The following ACVR2B variants were observed in gnomAD, a reference collection of about 807,000 sequenced individuals.
The protein encoded by ACVR2B is activin A receptor type 2B.
Under a neutral mutation model 65.1 loss-of-function variants are expected in ACVR2B, and 18 were observed. The ratio of observed to expected loss-of-function variants is 0.28; its 90% CI spans 0.19 to 0.41. The LOEUF is 0.41. Ranked by LOEUF, ACVR2B falls within the 10% of genes least tolerant of loss-of-function variation. The pLI, the probability that ACVR2B is intolerant of heterozygous loss-of-function variation, is 1.00. For missense variants in ACVR2B, 482 were observed against 682.7 expected (o/e 0.71, Z 3.28); for synonymous variants, 298 against 277.7 (o/e 1.07, Z -0.73).
chr3:38,454,502 C>A, intron 1 of ACVR2B, 128 bp downstream of exon 1: 1 of 855,554 alleles, frequency 1.2e-6, no homozygotes, highest in Non-Finnish European at 1.5e-6. Context: ...TCAGCCCTCA[C>A]CTCCGGGGGC....
At chr3:38,455,504 C>T (rs988491792) in intron 1 of ACVR2B, among the ~76,000 whole-genome samples, 13 of 152,298 alleles carry the variant, frequency 8.5e-5, no homozygotes, top group African/African-American at 2.9e-4. Context: ...GCCGGAGTCC[C>T]CACGCTGCTG....
chr3:38,459,787 C>A, intron 1 of ACVR2B: 1 of 560,066 alleles, frequency 1.8e-6, no homozygotes, highest in Non-Finnish European at 2.3e-6. Flanking sequence ...GTGTGGGCAG[C>A]GCTGCCTTAG....
intron 1 of ACVR2B, among the ~76,000 whole-genome samples, chr3:38,456,681 T>TA (rs1414540363): frequency 6.6e-6 from 1 of 152,118 alleles, no homozygotes; most frequent in Non-Finnish European, 1.5e-5. Context: ...TCTGCCTTCT[T>TA]ACTGCATTCT....
intron 1 of ACVR2B, among the ~76,000 whole-genome samples, chr3:38,457,592 A>T (rs570912364): frequency 6.6e-6 from 1 of 152,222 alleles, no homozygotes; most frequent in African/African-American, 2.4e-5. Context: ...TGGACACTCA[A>T]TGCTGTATCC....
rs995901510 is a variant in ACVR2B, at chr3:38,484,162, C to G, written c.*830C>G. ...TGAGATTGGGTGCAGCCCTGACTTA[C>G]CTGCTGGCCCTGACCAGTTTCTTTT... On this transcript the variant is annotated 3_prime_UTR_variant, in exon 11 of 11. Transcript: ENST00000352511. 1 of 152,580 alleles carries G rather than the reference C, an allele frequency of 6.6e-6. No homozygotes were observed. The highest frequency in any genetic ancestry group is 2.4e-5 in the African/African-American group (1 of 41,442). 9.5% of individuals were successfully genotyped at this position (152,580 alleles called of 1,614,324 possible).
At chr3:38,455,809 G>A (rs574941263) in intron 1 of ACVR2B, among the ~76,000 whole-genome samples, 2 of 152,310 alleles carry the variant, frequency 1.3e-5, no homozygotes, top group Admixed American at 1.3e-4. Context: ...TCCCCAAGAA[G>A]GAGTGCTCGA....
Position 38,484,975 on chromosome 3 carries a change from A to G in ACVR2B, c.*1643A>G, listed in dbSNP as rs1710089712. 1 of 152,622 alleles carries G rather than the reference A, an allele frequency of 6.6e-6. No homozygotes were observed. Among genetic ancestry groups the G allele is most frequent in the Non-Finnish European group, 1.5e-5 (1 of 68,044 alleles). The allele number at this position is 152,622 out of a possible 1,614,324, so 9.5% of individuals were successfully genotyped here. On this transcript the variant is annotated 3_prime_UTR_variant, in exon 11 of 11. Coordinates refer to ENST00000352511, the MANE Select transcript of ACVR2B (RefSeq NM_001106.4). ...TTTGTTTGATAACGCCCCCTTGTAA[A>G]TAATTGTCATCAACTGTAGGTTGGC...
chr3:38,454,814 G>A (rs921271793), intron 1 of ACVR2B: 4 of 154,892 alleles, frequency 2.6e-5, no homozygotes, highest in Non-Finnish European at 5.7e-5. Context: ...GAGTCACTAA[G>A]TGTAGCGAAG....
intron 1 of ACVR2B, among the ~76,000 whole-genome samples, chr3:38,457,202 CAAAA>C (rs35271460): frequency 2.7e-5 from 4 of 150,922 alleles, no homozygotes; most frequent in African/African-American, 9.8e-5. Context: ...GGCTCCGTCT[CAAAA>C]AAAAAGTATA....
intron 1 of ACVR2B, among the ~76,000 whole-genome samples, chr3:38,472,290 G>A (rs1709831887): frequency 6.6e-6 from 1 of 152,130 alleles, no homozygotes; most frequent in African/African-American, 2.4e-5. Context: ...TCGCTCTTAT[G>A]GAGGGACCTG....
Position 38,488,605 on chromosome 3 carries a change from A to G in ACVR2B, c.*5273A>G, listed in dbSNP as rs1013836515. 6.6e-6 allele frequency: 1 copy of G among 152,202 alleles called. No individual in the cohort carries two copies. The highest frequency in any genetic ancestry group is 2.4e-5 in the African/African-American group (1 of 41,458). 9.4% of individuals were successfully genotyped at this position (152,202 alleles called of 1,614,324 possible). ...GAATTTAAAGAATTTACCATTATTT[A>G]AATTATTACCAAGTTTTTACATTTT... On this transcript the variant is annotated 3_prime_UTR_variant, in exon 11 of 11. Coordinates refer to ENST00000352511, the MANE Select transcript of ACVR2B (RefSeq NM_001106.4).
At chr3:38,478,042 C>G (rs1188753657) in intron 3 of ACVR2B, 72 bp downstream of exon 3, 3 of 1,598,488 alleles carry the variant, frequency 1.9e-6, no homozygotes, top group African/African-American at 2.7e-5. Context: ...GCGCTTGGCT[C>G]CTCAGTTGGG....
rs1710032107 is a variant in ACVR2B, at chr3:38,482,350, C to T, written c.1213+14C>T. 1 of 1,610,084 alleles carries T rather than the reference C, an allele frequency of 6.2e-7. No homozygotes were observed. Among genetic ancestry groups the T allele is most frequent in the East Asian group, 2.2e-5 (1 of 44,824 alleles). On this transcript the variant is annotated intron_variant, in intron 9 of 10. Transcript: ENST00000352511. The stretch of plus-strand genomic sequence containing the variant: ...AGGCTGCAGACGGTAAGTAGGATGG[C>T]AGCCCTGGGCATCCTAGATTGAGTG...
rs377111784 is a variant in ACVR2B at position 38,478,513 on chromosome 3, C to G, written c.661C>G (p.Leu221Val). 14 of 1,614,048 alleles carry G rather than the reference C, an allele frequency of 8.7e-6. No individual in the cohort carries two copies. The South Asian group carries it at 1.3e-4, about 15-fold the overall frequency. Residue 221 changes from leucine (L) to valine (V), a missense_variant, in exon 5 of 11, where the codon CTC (leucine) becomes GTC (valine). Coordinates refer to ENST00000352511, the MANE Select transcript of ACVR2B (RefSeq NM_001106.4). ...CTTTGTAGCTGTCAAGATCTTCCCA[C>G]TCCAGGTGAGTGTTTGAGGGGCTCC... ...NDFVAVKIFP[L>V]QDKQSWQSER...
At position 38,476,989 on chromosome 3, in the gene ACVR2B, T is replaced by C. The variant is rs1709922797; in HGVS notation, c.53-298T>C. ...TGCATCTGGACTCTGTCTGTCTGGC[T>C]GTTTATCCATCCTTCTGTGGCATTA... On this transcript the variant is annotated intron_variant, in intron 1 of 10. Coordinates refer to ENST00000352511, the MANE Select transcript of ACVR2B (RefSeq NM_001106.4). The C allele has an allele frequency of 5.8e-6, 3 of 515,402 alleles. No homozygotes were observed. In the Admixed American group the frequency reaches 9.6e-5, roughly 17 times the overall value. 31.9% of individuals were successfully genotyped at this position (515,402 alleles called of 1,614,324 possible).
rs2059817429 is a variant in ACVR2B, at chr3:38,492,544, G to C, written c.*9212G>C. 6.6e-6 allele frequency: 1 copy of C among 151,706 alleles called. No homozygotes were observed. Among genetic ancestry groups the C allele is most frequent in the Non-Finnish European group, 1.5e-5 (1 of 67,978 alleles). The allele number at this position is 151,706 out of a possible 1,614,324, so 9.4% of individuals were successfully genotyped here. Reference sequence around the variant, plus strand: ...GGATATGTGAGATGTAAATGTAGTAGGTCACTTTTCACCCTTGTAGCTATA... The same window carrying C: ...GGATATGTGAGATGTAAATGTAGTACGTCACTTTTCACCCTTGTAGCTATA... On this transcript the variant is annotated 3_prime_UTR_variant, in exon 11 of 11. Transcript: ENST00000352511.
intron 1 of ACVR2B, among the ~76,000 whole-genome samples, chr3:38,462,024 C>G (rs957382497): frequency 1.3e-5 from 2 of 152,084 alleles, no homozygotes; most frequent in African/African-American, 2.4e-5. Flanking sequence ...GAAACCCCGT[C>G]TCTACTAAAA....
At chr3:38,475,582 G>A (rs1559651914) in intron 1 of ACVR2B, 2 of 152,226 alleles carry the variant, frequency 1.3e-5, no homozygotes, top group Admixed American at 1.3e-4. Context: ...GGTTTGACAG[G>A]AGAATGGCCG....
In ACVR2B at chr3:38,479,047, G is replaced by A. The variant is rs1047304657; in HGVS notation, c.667-81G>A. ...GCTTGAGGGTGGGGAATGGGGAATG[G>A]TTGTTCTGCTGTAGGGCAATGTGAC... On this transcript the variant is annotated intron_variant, in intron 5 of 10. Coordinates refer to ENST00000352511, the MANE Select transcript of ACVR2B (RefSeq NM_001106.4). 3.2e-6 allele frequency: 5 copies of A among 1,584,814 alleles called. No homozygotes were observed. The Admixed American group carries it at 8.3e-5, about 26-fold the overall frequency.
Sources: allele counts gnomAD v4.1 joint callset (sites outside exome capture counted in the v4.1 genomes callset), GRCh38; gene constraint gnomAD v4.1.1; transcripts MANE v1.5; gene names NCBI Gene and HGNC (gene_info 2026-07-23, HGNC 2026-07-21).